TMEM248: variants seen among roughly 807,000 people sequenced by gnomAD.
TMEM248 encodes the protein UPF0458 protein C7orf42.
In TMEM248, 9 loss-of-function variants were observed where a neutral mutation model predicts 30.3. The observed-to-expected ratio is 0.30, with a 90% confidence interval of 0.18 to 0.52. The LOEUF (loss-of-function observed/expected upper bound fraction) is 0.52, where lower values mean the gene tolerates loss of function less well. Ranked by LOEUF, TMEM248 falls within the 20% of genes least tolerant of loss-of-function variation. The probability of loss-of-function intolerance (pLI) is 0.97; values close to 1 mark genes in which losing one functional copy is unlikely to be tolerated. For synonymous variants in TMEM248, 184 were observed against 154.4 expected (o/e 1.19, Z -1.42); for missense variants, 338 against 403.3 (o/e 0.84, Z 1.39).
chr7:66,927,476 C>T lies in TMEM248; in HGVS notation c.-19+6015C>T, dbSNP rs564731484. On this transcript the variant is annotated intron_variant, in intron 1 of 6. Coordinates refer to ENST00000341567, the MANE Select transcript of TMEM248 (RefSeq NM_017994.5). ...TTGAGACAAGGTTTCTCCCTGTCAC[C>T]GAGGCTGGAGTGCAGTGGTGTGACC... Among the ~76,000 whole-genome samples, 7 of 151,442 alleles carry T rather than the reference C, an allele frequency of 4.6e-5. No homozygotes were observed. The South Asian group carries it at 1.0e-3, about 23-fold the overall frequency.
intron 4 of TMEM248, among the ~76,000 whole-genome samples, chr7:66,950,215 C>CA (rs376969562): frequency 0.05 from 6,066 of 120,912 alleles, 143 homozygotes; most frequent in Middle Eastern, 0.086. Flanking sequence ...GACTCCGTCT[C>CA]AAAAAAAAAA....
intron 1 of TMEM248, among the ~76,000 whole-genome samples, chr7:66,926,197 C>A (rs144708620): frequency 1.6e-3 from 239 of 152,218 alleles, no homozygotes; most frequent in African/African-American, 5.5e-3. Flanking sequence ...TGTTCGTGTC[C>A]CTTGCCCATT....
At chr7:66,943,808 T>C (rs1031598039) in intron 2 of TMEM248, among the ~76,000 whole-genome samples, 2 of 151,900 alleles carry the variant, frequency 1.3e-5, no homozygotes, top group African/African-American at 4.8e-5. Context: ...TTTTTTTTTT[T>C]TGAGGTGGAG....
At chr7:66,926,843 C>T (rs375984048) in intron 1 of TMEM248, among the ~76,000 whole-genome samples, 4 of 152,196 alleles carry the variant, frequency 2.6e-5, no homozygotes, top group African/African-American at 7.2e-5. Context: ...GTTTTTTCTG[C>T]GTGTGATTAC....
At chr7:66,955,157 GGAGGTT>G (rs1792370821) in intron 6 of TMEM248, among the ~76,000 whole-genome samples, 2 of 152,252 alleles carry the variant, frequency 1.3e-5, no homozygotes, top group South Asian at 4.1e-4. Context: ...CAGCTACTGG[GGAGGTT>G]GAGGAAGGAG....
At chr7:66,933,493 G>C (rs903542680) in intron 1 of TMEM248, among the ~76,000 whole-genome samples, 1 of 152,158 alleles carries the variant, frequency 6.6e-6, no homozygotes, top group African/African-American at 2.4e-5. Context: ...TGTTTCCTTA[G>C]GTTTAGTTCT....
At chr7:66,955,470 T>C in intron 6 of TMEM248, 32 bp from the exon 7 acceptor site, 1 of 1,614,034 alleles carries the variant, frequency 6.2e-7, no homozygotes, top group Non-Finnish European at 8.5e-7. Flanking sequence ...CTTCCCTTTT[T>C]TGACTGGTTT....
chr7:66,944,732 T>C (rs1005514111), intron 2 of TMEM248, among the ~76,000 whole-genome samples: 1 of 152,214 alleles, frequency 6.6e-6, no homozygotes, highest in African/African-American at 2.4e-5. Context: ...TTTCACAGTT[T>C]ATTGAGTATC....
chr7:66,923,782 C>T (rs548639099), intron 1 of TMEM248, among the ~76,000 whole-genome samples: 15 of 152,272 alleles, frequency 9.9e-5, no homozygotes, highest in African/African-American at 3.6e-4. Context: ...AGCGATTCCT[C>T]AGCCTCCTGA....
chr7:66,922,407 A>G (rs1791409873), intron 1 of TMEM248, among the ~76,000 whole-genome samples: 1 of 152,110 alleles, frequency 6.6e-6, no homozygotes, highest in Non-Finnish European at 1.5e-5. Flanking sequence ...CTTGACCGAT[A>G]AGGGTGTCCA....
chr7:66,926,628 T>TC (rs1240076747), intron 1 of TMEM248, among the ~76,000 whole-genome samples: 1 of 135,930 alleles, frequency 7.4e-6, no homozygotes, highest in Non-Finnish European at 1.5e-5. Flanking sequence ...AGAGCAAGAC[T>TC]CCATCTGAAA....
chr7:66,925,077 T>C (rs1791488891), intron 1 of TMEM248, among the ~76,000 whole-genome samples: 1 of 152,112 alleles, frequency 6.6e-6, no homozygotes, highest in African/African-American at 2.4e-5. Context: ...GCTGGAGTGC[T>C]GTGGGTGATC....
At position 66,954,159 on chromosome 7, in the gene TMEM248, G is replaced by C. The variant is rs117028487; in HGVS notation, c.924+790G>C. Among the ~76,000 whole-genome samples, 572 of 150,770 alleles carry C rather than the reference G, an allele frequency of 3.8e-3. 5 individuals carry two copies. The highest frequency in any genetic ancestry group is 8.6e-3 in the Admixed American group (130 of 15,110). ...GGGTTTCACCATGTTGTCCAGGCTA[G>C]TCTCGAACTGCTGTTATCAAGTGAT... On this transcript the variant is annotated intron_variant, in intron 6 of 6. Coordinates refer to ENST00000341567, the MANE Select transcript of TMEM248 (RefSeq NM_017994.5).
At chr7:66,937,436 C>T (rs1791834169) in intron 1 of TMEM248, among the ~76,000 whole-genome samples, 1 of 152,150 alleles carries the variant, frequency 6.6e-6, no homozygotes, top group Non-Finnish European at 1.5e-5. Context: ...TAGATCTGTC[C>T]AATGCTGAAA....
rs546937747 is a variant in TMEM248 at position 66,935,763 on chromosome 7, C to T, written c.-18-6085C>T. Among the ~76,000 whole-genome samples, 5 of 152,092 alleles carry T rather than the reference C, an allele frequency of 3.3e-5. 1 individual carries two copies. In the South Asian group the frequency reaches 8.3e-4, roughly 25 times the overall value. On this transcript the variant is annotated intron_variant, in intron 1 of 6. Coordinates refer to ENST00000341567, the MANE Select transcript of TMEM248 (RefSeq NM_017994.5). ...TTCACCGTGTTGGCCAGGCTGGTCTCGAACTCCTGGCTTCAAGTGATCCAC... is the reference window on the plus strand; with the variant it reads ...TTCACCGTGTTGGCCAGGCTGGTCTTGAACTCCTGGCTTCAAGTGATCCAC...
At position 66,955,561 on chromosome 7, in the gene TMEM248, C is replaced by G; in HGVS notation, c.*39C>G. On this transcript the variant is annotated 3_prime_UTR_variant, in exon 7 of 7. Coordinates refer to ENST00000341567, the MANE Select transcript of TMEM248 (RefSeq NM_017994.5). ...TGTTTTTTGAGAGAGACTGAGAGAA[C>G]CATAATCCTTGCCTGCTGAACCCAG... 1 of 1,613,208 alleles carries G rather than the reference C, an allele frequency of 6.2e-7. No individual in the cohort carries two copies. Among genetic ancestry groups the G allele is most frequent in the South Asian group, 1.1e-5 (1 of 90,956 alleles).
At chr7:66,951,221 T>G (rs545831925) in intron 5 of TMEM248, 86 bp downstream of exon 5, 1 of 1,311,952 alleles carries the variant, frequency 7.6e-7, no homozygotes, top group African/African-American at 1.5e-5. Flanking sequence ...GTGTAGGCCC[T>G]GCTGACTTCC....
Position 66,958,422 on chromosome 7 carries a change from C to T in TMEM248, c.*2900C>T, listed in dbSNP as rs908413682. 9.8e-5 allele frequency: 15 copies of T among 152,716 alleles called. No individual in the cohort carries two copies. The highest frequency in any genetic ancestry group is 3.6e-4 in the African/African-American group (15 of 41,450). 9.5% of individuals were successfully genotyped at this position (152,716 alleles called of 1,614,324 possible). On this transcript the variant is annotated 3_prime_UTR_variant, in exon 7 of 7. Transcript: ENST00000341567. ...GCAGGCACTGTGGGGTCCTGAGGGC[C>T]AGTGGGTCCATTTCACCTCTTGCTG...
rs942748438 is a variant in TMEM248, at chr7:66,945,317, A to AGGAT, written c.445+58_445+61dup. Reference sequence around the variant, plus strand: ...CTTAGGCAACCACTGTTACAAAAAGAGGATGCACCGTGTATGTTTTTACTG... The same window carrying AGGAT: ...CTTAGGCAACCACTGTTACAAAAAGAGGATGGATGCACCGTGTATGTTTTTACTG... On this transcript the variant is annotated intron_variant, in intron 3 of 6. Transcript: ENST00000341567. The AGGAT allele has an allele frequency of 5.1e-6, 8 of 1,564,286 alleles. No homozygotes were observed. The African/African-American group carries it at 9.5e-5, about 19-fold the overall frequency.
Sources: allele counts gnomAD v4.1 joint callset (sites outside exome capture counted in the v4.1 genomes callset), GRCh38; gene constraint gnomAD v4.1.1; transcripts MANE v1.5; gene names NCBI Gene and HGNC (gene_info 2026-07-23, HGNC 2026-07-21).